The following DHX9 variants were observed in gnomAD, a reference collection of about 807,000 sequenced individuals.
The protein encoded by DHX9 is DExH-box helicase 9.
Under a neutral mutation model 148.7 loss-of-function variants are expected in DHX9, and 27 were observed. The ratio of observed to expected loss-of-function variants is 0.18; its 90% confidence interval spans 0.13 to 0.25. The LOEUF (loss-of-function observed/expected upper bound fraction) is 0.25, where lower values mean the gene tolerates loss of function less well. Among genes scored for constraint, DHX9 ranks in the 10% least tolerant of loss-of-function variants. The probability of loss-of-function intolerance (pLI) is 1.00; values close to 1 mark genes in which losing one functional copy is unlikely to be tolerated. For missense variants in DHX9, 796 were observed against 1,559.6 expected (o/e 0.51, Z 8.25); for synonymous variants, 529 against 516.6 (o/e 1.02, Z -0.33).
At chr1:182,866,670 G>T in intron 13 of DHX9, 85 bp downstream of exon 13, 1 of 1,437,612 alleles carries the variant, frequency 7.0e-7, no homozygotes, top group African/African-American at 1.4e-5. Context: ...TGACTGGAAA[G>T]AAATAATGAG....
At position 182,883,328 on chromosome 1, in the gene DHX9, A is replaced by T. The variant is rs1308086637; in HGVS notation, c.3104A>T (p.Asp1035Val). 1 of 1,614,212 alleles carries T rather than the reference A, an allele frequency of 6.2e-7. No individual in the cohort carries two copies. Among genetic ancestry groups the T allele is most frequent in the Admixed American group, 1.7e-5 (1 of 60,038 alleles). The change falls in exon 25 of 28, where the codon GAC becomes GTC. Residue 1035 changes from aspartate to valine, a missense_variant. Asp to Val is a radical substitution (Grantham distance 152). Around this residue, in one of 14 missense-constraint regions of DHX9, gnomAD observed 14 missense variants for 87.5 expected, o/e 0.16. Transcript: ENST00000367549. ...GTTAATTGTCCTTTTAGTAGCCAAG[A>T]CATGAAGTACCCATCTCCCTTCTTT... Reference protein sequence around the residue: ...SSVNCPFSSQDMKYPSPFFVF... With the variant: ...SSVNCPFSSQVMKYPSPFFVF...
intron 15 of DHX9, among the ~76,000 whole-genome samples, chr1:182,873,611 C>T (rs1468290809): frequency 2.0e-5 from 3 of 152,130 alleles, no homozygotes; most frequent in Non-Finnish European, 4.4e-5. Flanking sequence ...GAGATCAGTA[C>T]GAACGTGTGT....
At chr1:182,855,675 G>A (rs1668239114) in intron 6 of DHX9, 1 of 985,460 alleles carries the variant, frequency 1.0e-6, no homozygotes, top group Non-Finnish European at 1.2e-6. Flanking sequence ...TCCCCTGAAA[G>A]CCAGTGGCCT....
chr1:182,880,671 C>A, intron 22 of DHX9, 63 bp downstream of exon 22: 1 of 1,145,460 alleles, frequency 8.7e-7, no homozygotes. Flanking sequence ...CTTCTCCTCC[C>A]TGTAAAAGCA....
At chr1:182,856,647 T>G (rs1045988088) in intron 7 of DHX9, 69 bp downstream of exon 7, 1 of 1,373,462 alleles carries the variant, frequency 7.3e-7, no homozygotes, top group African/African-American at 1.4e-5. Context: ...TTTTAAGTCT[T>G]GAGTCACGTA....
intron 14 of DHX9, among the ~76,000 whole-genome samples, chr1:182,870,450 T>C (rs1648510307): frequency 6.6e-6 from 1 of 152,008 alleles, no homozygotes; most frequent in Admixed American, 6.5e-5. Context: ...GGTACATGAG[T>C]TGACAGATGG....
At chr1:182,852,146 A>T (rs1458516956) in intron 3 of DHX9, 87 bp from the exon 4 acceptor site, 1 of 738,600 alleles carries the variant, frequency 1.4e-6, no homozygotes. Flanking sequence ...GAGGTATGAC[A>T]CATGGGTCCT....
intron 27 of DHX9, among the ~76,000 whole-genome samples, chr1:182,886,484 C>G (rs114216442): frequency 6.6e-6 from 1 of 152,138 alleles, no homozygotes; most frequent in South Asian, 2.1e-4. Context: ...ACCTGAACCA[C>G]TGCACCCAGC....
chr1:182,853,736 A>G (rs1237953535), intron 5 of DHX9, among the ~76,000 whole-genome samples: 2 of 152,142 alleles, frequency 1.3e-5, no homozygotes, highest in Non-Finnish European at 2.9e-5. Context: ...AGTCTTTAGT[A>G]TAGCTTATTT....
At chr1:182,850,818 A>G (rs1483582218) in intron 3 of DHX9, among the ~76,000 whole-genome samples, 1 of 152,214 alleles carries the variant, frequency 6.6e-6, no homozygotes, top group African/African-American at 2.4e-5. Flanking sequence ...AGCCAAGATT[A>G]TGCACTGTGA....
intron 11 of DHX9, among the ~76,000 whole-genome samples, chr1:182,859,652 G>A (rs1427887492): frequency 6.6e-6 from 1 of 151,852 alleles, no homozygotes. Flanking sequence ...TCGCTTAGTT[G>A]CCCAGGCTGG....
At chr1:182,854,886 G>C (rs1668226465) in intron 6 of DHX9, among the ~76,000 whole-genome samples, 1 of 152,126 alleles carries the variant, frequency 6.6e-6, no homozygotes, top group Non-Finnish European at 1.5e-5. Context: ...TTTCTGGGGA[G>C]CGATGTATTT....
intron 3 of DHX9, 150 bp downstream of exon 3, chr1:182,843,584 G>A: frequency 4.0e-6 from 3 of 758,032 alleles, no homozygotes; most frequent in Non-Finnish European, 5.9e-6. Context: ...TCTCAGCACT[G>A]GACAAAATTT....
intron 15 of DHX9, among the ~76,000 whole-genome samples, chr1:182,872,829 G>A (rs10911154): frequency 0.23 from 35,579 of 152,098 alleles, 7,321 homozygotes; most frequent in African/African-American, 0.56. Context: ...GGGAATTACT[G>A]TTAAAAGTTT....
rs533935555 is a variant in DHX9, at chr1:182,887,194, TGGAGGCTATGGTAGC to T, written c.3586_3600del (p.Ser1196_Gly1200del). ...GAGGCTATGGCGGTGGCTATAGCAGTGGAGGCTATGGTAGCGGAGGCTATGGTGGCAGCGCCAACT... is the reference window on the plus strand; with the variant it reads ...GAGGCTATGGCGGTGGCTATAGCAGTGGAGGCTATGGTGGCAGCGCCAACT... On this transcript the variant is annotated inframe_deletion, in exon 28 of 28. Coordinates refer to ENST00000367549, the MANE Select transcript of DHX9 (RefSeq NM_001357.5). The T allele has an allele frequency of 2.0e-3, 3,160 of 1,614,008 alleles. 6 individuals carry two copies. Among genetic ancestry groups the T allele is most frequent in the Non-Finnish European group, 2.4e-3 (2,826 of 1,179,978 alleles).
intron 27 of DHX9, among the ~76,000 whole-genome samples, chr1:182,885,492 T>C (rs1255052809): frequency 6.6e-6 from 1 of 152,222 alleles, no homozygotes; most frequent in African/African-American, 2.4e-5. Flanking sequence ...TCATGTCTTT[T>C]AAGAACATGG....
At chr1:182,858,702 T>C (rs777543118) in intron 9 of DHX9, 31 bp from the exon 10 acceptor site, 28 of 1,612,662 alleles carry the variant, frequency 1.7e-5, no homozygotes, top group Non-Finnish European at 1.9e-5. Context: ...GCAAATCATA[T>C]TTTTTGTTTG....
intron 3 of DHX9, among the ~76,000 whole-genome samples, chr1:182,846,152 G>A (rs762482306): frequency 6.6e-5 from 10 of 151,846 alleles, no homozygotes; most frequent in Non-Finnish European, 1.2e-4. Flanking sequence ...CAGTCAACTC[G>A]TTAGCATACA....
At position 182,854,309 on chromosome 1, in the gene DHX9, C is replaced by T. The variant is rs979430861; in HGVS notation, c.626+131C>T. 1.7e-5 allele frequency: 14 copies of T among 818,742 alleles called. No individual in the cohort carries two copies. The East Asian group carries it at 1.9e-4, about 11-fold the overall frequency. 50.7% of individuals were successfully genotyped at this position (818,742 alleles called of 1,614,324 possible). On this transcript the variant is annotated intron_variant, in intron 6 of 27. Transcript: ENST00000367549. ...TTAGAATTGAATTGTTAAAAGATAACGTTAATTTGCACAAGAATAATTATT... is the reference window on the plus strand; with the variant it reads ...TTAGAATTGAATTGTTAAAAGATAATGTTAATTTGCACAAGAATAATTATT...
Sources: gnomAD v4.1 joint callset for allele counts (sites outside exome capture counted in the v4.1 genomes callset) on GRCh38, gnomAD v4.1.1 for gene constraint, gnomAD v4.1.1 regional missense constraint, MANE v1.5 for transcripts, NCBI Gene and HGNC (gene_info 2026-07-23, HGNC 2026-07-21) for gene names.